The following TMLHE variants were observed in gnomAD, a reference collection of about 807,000 sequenced individuals.
TMLHE encodes trimethyllysine hydroxylase, epsilon, also known as trimethyllysine dioxygenase, mitochondrial.
A neutral mutation model predicts 25.7 loss-of-function variants in TMLHE; 18 were observed. The observed-to-expected ratio is 0.70, with a 90% CI of 0.48 to 1.04. The LOEUF (loss-of-function observed/expected upper bound fraction) is 1.04, where lower values mean the gene tolerates loss of function less well. Ranked by LOEUF, TMLHE falls within the 50% of genes least tolerant of loss-of-function variation. The pLI is 0.00. For synonymous variants in TMLHE, 105 were observed against 97.0 expected (o/e 1.08, Z -0.49); for missense variants, 236 against 259.0 (o/e 0.91, Z 0.61).
At chrX:155,537,409 A>C (rs1257486911) in intron 2 of TMLHE, among the ~76,000 whole-genome samples, 1 of 111,224 alleles carries the variant, frequency 9.0e-6, no homozygotes, top group African/African-American at 3.3e-5. Context: ...TGTCCACTTT[A>C]TCCTTTCCCT....
chrX:155,531,076 T>C (rs945317858), intron 2 of TMLHE, among the ~76,000 whole-genome samples: 2 of 112,049 alleles, frequency 1.8e-5, no homozygotes, highest in Non-Finnish European at 3.8e-5. Flanking sequence ...ATTTGGAAGG[T>C]TGCACATGCA....
At chrX:155,515,896 G>A (rs2067149870) in intron 3 of TMLHE, among the ~76,000 whole-genome samples, 2 of 108,879 alleles carry the variant, frequency 1.8e-5, no homozygotes, top group Admixed American at 2.0e-4. Context: ...AGCCCACAAA[G>A]TTTGAAAATA....
At position 155,562,067 on chromosome X, in the gene TMLHE, G is replaced by A. The variant is rs2067498891; in HGVS notation, c.-1-16790C>T. ...AGTGCCCAGTGTGGACTCTGTGTGGGGCCTCTAACCCCATATTTCCCCTCT... is the reference window on the plus strand; with the variant it reads ...AGTGCCCAGTGTGGACTCTGTGTGGAGCCTCTAACCCCATATTTCCCCTCT... On this transcript the variant is annotated intron_variant, in intron 1 of 7. Coordinates refer to ENST00000334398, the MANE Select transcript of TMLHE (RefSeq NM_018196.4). Among the ~76,000 whole-genome samples the A allele has an allele frequency of 3.2e-5, 2 of 62,000 alleles. 1 individual carries two copies. Among genetic ancestry groups the A allele is most frequent in the Non-Finnish European group, 9.1e-5 (2 of 21,961 alleles). The allele number at this position is 62,000 out of a possible 115,157, so 53.8% of individuals were successfully genotyped here.
chrX:155,523,279 T>C (rs1603027232), intron 3 of TMLHE, among the ~76,000 whole-genome samples: 1 of 111,769 alleles, frequency 8.9e-6, no homozygotes, highest in Non-Finnish European at 1.9e-5. Context: ...ATATGTTCTT[T>C]TCTTGAAGTT....
chrX:155,547,496 C>CT (rs2067359107), intron 1 of TMLHE, among the ~76,000 whole-genome samples: 1 of 111,171 alleles, frequency 9.0e-6, no homozygotes, highest in Admixed American at 9.6e-5. Context: ...ATCAGCAGTC[C>CT]TAGCCACCAT....
chrX:155,587,510 G>T (rs1017576389), intron 1 of TMLHE, among the ~76,000 whole-genome samples: 3 of 111,480 alleles, frequency 2.7e-5, no homozygotes, highest in Non-Finnish European at 5.7e-5. Flanking sequence ...GGAAGTGCTA[G>T]CCAGAGCAAC....
chrX:155,552,429 T>C lies in TMLHE; in HGVS notation c.-1-7152A>G, dbSNP rs5983722. Among the ~76,000 whole-genome samples the C allele has an allele frequency of 1.3e-3, 147 of 109,771 alleles. 6 individuals are homozygous for C. Among genetic ancestry groups the C allele is most frequent in the African/African-American group, 4.8e-3 (143 of 29,620 alleles). ...TATAGGTCAGTGCAGAAATTTATCT[T>C]CTTGTGTTCTTTTTGGTAAGTTATG... is the stretch of plus-strand genomic sequence containing the variant. On this transcript the variant is annotated intron_variant, in intron 1 of 7. Transcript: ENST00000334398.
intron 2 of TMLHE, among the ~76,000 whole-genome samples, chrX:155,530,211 T>C (rs879963713): frequency 2.7e-5 from 3 of 112,063 alleles, no homozygotes; most frequent in Admixed American, 9.5e-5. Context: ...AACTGTGGTA[T>C]ATATAGACAA....
At chrX:155,588,628 A>T (rs1196435315) in intron 1 of TMLHE, among the ~76,000 whole-genome samples, 3 of 110,983 alleles carry the variant, frequency 2.7e-5, no homozygotes, top group Non-Finnish European at 5.7e-5. Flanking sequence ...GAACTCAAAG[A>T]ACTCAACAAT....
chrX:155,511,437 T>TA (rs2067111997), intron 5 of TMLHE, among the ~76,000 whole-genome samples: 1 of 109,615 alleles, frequency 9.1e-6, no homozygotes, highest in Non-Finnish European at 1.9e-5. Context: ...TTTTTTTTTT[T>TA]TATAAATTAC....
chrX:155,558,433 C>CATAG lies in TMLHE; in HGVS notation c.-1-13157_-1-13156insCTAT, dbSNP rs1557341205. On this transcript the variant is annotated intron_variant, in intron 1 of 7. Transcript: ENST00000334398. ...TGAAATGATATGTTTATATGTCTTT[C>CATAG]CCCCTAATAATGCTGGATGTTCCTC... Among the ~76,000 whole-genome samples, 21 of 111,700 alleles carry CATAG rather than the reference C, an allele frequency of 1.9e-4. 1 individual carries two copies. Among genetic ancestry groups the CATAG allele is most frequent in the Non-Finnish European group, 2.6e-4 (14 of 52,986 alleles).
chrX:155,587,787 A>C (rs782249380), intron 1 of TMLHE, among the ~76,000 whole-genome samples: 5 of 112,143 alleles, frequency 4.5e-5, no homozygotes, highest in Non-Finnish European at 9.4e-5. Flanking sequence ...CTTGGGAATA[A>C]ATTTAATCGA....
At chrX:155,535,261 C>A (rs1260772031) in intron 2 of TMLHE, among the ~76,000 whole-genome samples, 1 of 112,144 alleles carries the variant, frequency 8.9e-6, no homozygotes, top group Non-Finnish European at 1.9e-5. Flanking sequence ...TCAGTTCAGG[C>A]TGCTATAACA....
At chrX:155,611,599 C>G (rs2067822462) in intron 1 of TMLHE, 2 of 111,536 alleles carry the variant, frequency 1.8e-5, no homozygotes, top group Admixed American at 9.5e-5. Flanking sequence ...AAACAAGCCC[C>G]CAGACTCAAC....
intron 1 of TMLHE, among the ~76,000 whole-genome samples, chrX:155,577,681 C>G (rs782493172): frequency 1.0e-3 from 117 of 111,529 alleles, no homozygotes; most frequent in Non-Finnish European, 1.8e-3. Flanking sequence ...TAGTATATGC[C>G]CCTTCCATGG....
chrX:155,549,738 A>T (rs1241899078), intron 1 of TMLHE, among the ~76,000 whole-genome samples: 4 of 109,867 alleles, frequency 3.6e-5, no homozygotes, highest in Non-Finnish European at 7.6e-5. Context: ...CTGGGTTTTT[A>T]AAATTGTACT....
intron 1 of TMLHE, among the ~76,000 whole-genome samples, chrX:155,600,471 A>G (rs2067749323): frequency 8.9e-6 from 1 of 112,124 alleles, no homozygotes; most frequent in Non-Finnish European, 1.9e-5. Flanking sequence ...ATTTGTTACA[A>G]AAAGGGAATT....
At chrX:155,539,319 C>T (rs1349943166) in intron 2 of TMLHE, among the ~76,000 whole-genome samples, 1 of 111,561 alleles carries the variant, frequency 9.0e-6, no homozygotes, top group Non-Finnish European at 1.9e-5. Flanking sequence ...TGGCCTGGCA[C>T]CAGAGTCTGT....
intron 1 of TMLHE, among the ~76,000 whole-genome samples, chrX:155,586,119 C>T (rs782665082): frequency 1.9e-3 from 207 of 109,046 alleles, no homozygotes; most frequent in African/African-American, 5.9e-3. Context: ...CCCAGCTACT[C>T]GGGAGCCTGA....
Sources: allele counts gnomAD v4.1 joint callset (sites outside exome capture counted in the v4.1 genomes callset), GRCh38; gene constraint gnomAD v4.1.1; transcripts MANE v1.5; gene names NCBI Gene and HGNC (gene_info 2026-07-23, HGNC 2026-07-21).